The following CFAP70 variants were observed in gnomAD, a reference collection of about 807,000 sequenced individuals.
The protein encoded by CFAP70 is cilia- and flagella-associated protein 70.
In CFAP70, 81 loss-of-function variants were observed where a neutral mutation model predicts 137.6. The ratio of observed to expected loss-of-function variants is 0.59; its 90% CI spans 0.49 to 0.71. The LOEUF (loss-of-function observed/expected upper bound fraction) is 0.71, where lower values mean the gene tolerates loss of function less well. CFAP70 is among the 30% of genes least tolerant of loss of function. The pLI is 0.00. For missense variants in CFAP70, 976 were observed against 1,226.7 expected (o/e 0.80, Z 3.05); for synonymous variants, 382 against 423.6 (o/e 0.90, Z 1.20).
At chr10:73,345,806 CAAAA>C (rs2053648534) in intron 4 of CFAP70, among the ~76,000 whole-genome samples, 1 of 151,920 alleles carries the variant, frequency 6.6e-6, no homozygotes. Flanking sequence ...TCAAAAAAAA[CAAAA>C]GAAATGTCGA....
chr10:73,301,258 G>A (rs1273366811), intron 12 of CFAP70, among the ~76,000 whole-genome samples: 2 of 152,146 alleles, frequency 1.3e-5, no homozygotes, highest in Non-Finnish European at 2.9e-5. Context: ...TGGAAGTGGG[G>A]CCTGGTGGGA....
chr10:73,317,193 T>A (rs1180077117), intron 9 of CFAP70, among the ~76,000 whole-genome samples: 1 of 152,144 alleles, frequency 6.6e-6, no homozygotes, highest in Non-Finnish European at 1.5e-5. Flanking sequence ...AACTTTTGTA[T>A]TTTTAGTAGA....
At chr10:73,297,110 C>T in exon 15 of CFAP70, 1 of 1,613,864 alleles carries the variant, frequency 6.2e-7, no homozygotes, top group Non-Finnish European at 8.5e-7. Context: ...GTCTGAAGTT[C>T]CTCCTGGCTT....
At chr10:73,271,894 T>C (rs2046349964) in intron 24 of CFAP70, among the ~76,000 whole-genome samples, 1 of 152,038 alleles carries the variant, frequency 6.6e-6, no homozygotes, top group East Asian at 1.9e-4. Flanking sequence ...GAGATGGGGG[T>C]CTTGCTCTGT....
intron 3 of CFAP70, among the ~76,000 whole-genome samples, chr10:73,352,038 C>G (rs1332306390): frequency 6.6e-6 from 1 of 152,168 alleles, no homozygotes; most frequent in Admixed American, 6.5e-5. Context: ...CCACTGATAC[C>G]ACAGTGGGTG....
At position 73,341,382 on chromosome 10, in the gene CFAP70, G is replaced by A; in HGVS notation, c.582+17C>T. On this transcript the variant is annotated intron_variant, in intron 6 of 26. Coordinates refer to ENST00000310715, the Ensembl canonical transcript of CFAP70. ...TACACTAAGTTTATCACAAAAACCT[G>A]TATATCAGGCTCTCACCTCAGGATG... is the stretch of plus-strand genomic sequence containing the variant. 6.3e-7 allele frequency: 1 copy of A among 1,586,126 alleles called. No homozygotes were observed. Among genetic ancestry groups the A allele is most frequent in the Non-Finnish European group, 8.6e-7 (1 of 1,165,286 alleles).
chr10:73,345,922 CAG>C (rs1476697328), intron 4 of CFAP70, among the ~76,000 whole-genome samples: 2 of 150,184 alleles, frequency 1.3e-5, no homozygotes, highest in Admixed American at 6.6e-5. Context: ...TTTTTTGAGA[CAG>C]AGTCTCCCTC....
chr10:73,256,301 A>G, intron 26 of CFAP70, 68 bp downstream of exon 27: 1 of 1,557,806 alleles, frequency 6.4e-7, no homozygotes, highest in Non-Finnish European at 8.8e-7. Context: ...GAATTAAGCC[A>G]GTACCTCCCT....
intron 14 of CFAP70, among the ~76,000 whole-genome samples, chr10:73,298,631 T>C (rs2048714019): frequency 6.6e-6 from 1 of 152,156 alleles, no homozygotes; most frequent in Non-Finnish European, 1.5e-5. Context: ...TTCTGCCTCC[T>C]ACAGTGACAA....
intron 12 of CFAP70, among the ~76,000 whole-genome samples, chr10:73,302,824 A>G (rs978974615): frequency 6.6e-6 from 1 of 152,092 alleles, no homozygotes; most frequent in Admixed American, 6.5e-5. Context: ...TCAGCCTGCA[A>G]CGAAAGGCAA....
intron 25 of CFAP70, among the ~76,000 whole-genome samples, chr10:73,263,425 G>T (rs1450100567): frequency 6.6e-6 from 1 of 152,168 alleles, no homozygotes; most frequent in Non-Finnish European, 1.5e-5. Context: ...ATCATGCATT[G>T]TATTTATTAT....
At chr10:73,345,280 T>C (rs1343836841) in intron 4 of CFAP70, 36 bp from the exon 6 acceptor site, 1 of 1,574,984 alleles carries the variant, frequency 6.3e-7, no homozygotes, top group African/African-American at 1.4e-5. Flanking sequence ...ATTTTGAAAA[T>C]TGCCAGAGAT....
chr10:73,351,848 G>A (rs1309256135), intron 3 of CFAP70, among the ~76,000 whole-genome samples: 1 of 152,230 alleles, frequency 6.6e-6, no homozygotes, highest in African/African-American at 2.4e-5. Flanking sequence ...TACACCTTCT[G>A]TTTTCAGCTG....
intron 10 of CFAP70, 127 bp downstream of exon 11, chr10:73,312,346 C>T: frequency 1.4e-6 from 1 of 724,814 alleles, no homozygotes; most frequent in Non-Finnish European, 2.3e-6. Flanking sequence ...GCACATGTAT[C>T]CCAGAACTTA....
chr10:73,269,395 C>A (rs761634992), intron 25 of CFAP70, among the ~76,000 whole-genome samples: 8 of 152,260 alleles, frequency 5.3e-5, no homozygotes, highest in Non-Finnish European at 7.4e-5. Context: ...TTTAGAACTT[C>A]CTTTCCAGAG....
exon 19 of CFAP70, chr10:73,291,251 T>C (rs1214721723): frequency 6.2e-7 from 1 of 1,614,194 alleles, no homozygotes; most frequent in East Asian, 2.2e-5. Context: ...CCTTGATTGC[T>C]GTTGCAGAAC....
At chr10:73,272,684 AT>A (rs541226551) in intron 24 of CFAP70, 11 of 573,204 alleles carry the variant, frequency 1.9e-5, no homozygotes, top group East Asian at 6.4e-5. Context: ...AATAACATGA[AT>A]TTTTTTTATT....
chr10:73,271,729 C>T (rs923197196), intron 24 of CFAP70, among the ~76,000 whole-genome samples: 13 of 152,086 alleles, frequency 8.5e-5, no homozygotes, highest in African/African-American at 3.1e-4. Flanking sequence ...AGGTTTTGCT[C>T]TGTCACCCAG....
At position 73,308,457 on chromosome 10, in the gene CFAP70, C is replaced by T. The variant is rs750292710; in HGVS notation, c.1256+1701G>A. Among the ~76,000 whole-genome samples, 8 of 151,686 alleles carry T rather than the reference C, an allele frequency of 5.3e-5. No individual in the cohort carries two copies. The South Asian group carries it at 6.2e-4, about 12-fold the overall frequency. ...CAGCCTGAGCAACATGGAGAAACCC[C>T]GTCTCTATTAAAAATACAAAATTAG... is the stretch of plus-strand genomic sequence containing the variant. On this transcript the variant is annotated intron_variant, in intron 12 of 26. Coordinates refer to ENST00000310715, the Ensembl canonical transcript of CFAP70.
Sources: allele counts gnomAD v4.1 joint callset (sites outside exome capture counted in the v4.1 genomes callset), GRCh38; gene constraint gnomAD v4.1.1; transcripts MANE v1.5; gene names NCBI Gene and HGNC (gene_info 2026-07-23, HGNC 2026-07-21).